OXGR1: variants seen among roughly 807,000 people sequenced by gnomAD.
OXGR1 encodes the protein 2-oxoglutarate receptor 1.
OXGR1 carries 10 observed loss-of-function variants against 10.0 expected under a neutral mutation model. That is an observed-to-expected ratio of 1.00 (90% CI 0.62 to 1.70). The LOEUF (loss-of-function observed/expected upper bound fraction) is 1.70, where lower values mean the gene tolerates loss of function less well. Ranked by LOEUF, OXGR1 falls within the 40% of genes most tolerant of loss-of-function variation. The pLI is 0.00. For synonymous variants in OXGR1, 191 were observed against 155.9 expected, an observed-to-expected ratio of 1.22 and a Z score of -1.68; for missense variants, 398 against 407.6, an observed-to-expected ratio of 0.98 and a Z score of 0.20.
At chr13:96,990,674 T>C (rs1882002495) in intron 2 of OXGR1, among the ~76,000 whole-genome samples, 1 of 152,154 alleles carries the variant, frequency 6.6e-6, no homozygotes, top group African/African-American at 2.4e-5. Context: ...CCAGGCACAG[T>C]GGCTCAAGCC....
chr13:96,988,361 C>A (rs1459432485), intron 3 of OXGR1, among the ~76,000 whole-genome samples: 3 of 152,174 alleles, frequency 2.0e-5, no homozygotes, highest in Non-Finnish European at 4.4e-5. Flanking sequence ...CATTCCCTTT[C>A]TACATTACCT....
At chr13:96,989,206 T>A (rs1881932565) in intron 3 of OXGR1, among the ~76,000 whole-genome samples, 1 of 152,200 alleles carries the variant, frequency 6.6e-6, no homozygotes, top group South Asian at 2.1e-4. Context: ...GGAGGAAACA[T>A]CAGAGTCTGC....
chr13:96,987,254 G>A lies in OXGR1; in HGVS notation c.506C>T (p.Thr169Ile). Residue 169 changes from threonine to isoleucine, a missense_variant, in exon 4 of 4, where the codon ACC becomes ATC. Physicochemically the swap from Thr to Ile is moderately conservative, Grantham distance 89 (BLOSUM62 -1). Coordinates refer to ENST00000541038, the MANE Select transcript of OXGR1 (RefSeq NM_001346194.2). ...CCTGTTGGTTGATGTGATCAAGAAG[G>A]TCATCGGAATGACAGCTACCAGTGA... ...IISLVAVIPM[T>I]FLITSTNRTN... 6 of 1,614,180 alleles carry A rather than the reference G, an allele frequency of 3.7e-6. No individual in the cohort carries two copies. The highest frequency in any genetic ancestry group is 8.5e-7 in the Non-Finnish European group (1 of 1,180,032).
Position 96,987,705 on chromosome 13 carries a change from C to T in OXGR1, c.55G>A (p.Ala19Thr), listed in dbSNP as rs149464525. The T allele has an allele frequency of 6.2e-7, 1 of 1,611,942 alleles. No homozygotes were observed. The highest frequency in any genetic ancestry group is 1.3e-5 in the African/African-American group (1 of 75,006). The change falls in exon 4 of 4, where the codon GCT (alanine) becomes ACT (threonine). Residue 19 changes from alanine to threonine, a missense_variant. Physicochemically the swap from Ala to Thr is moderately conservative, Grantham distance 58 (BLOSUM62 0). Coordinates refer to ENST00000541038, the MANE Select transcript of OXGR1 (RefSeq NM_001346194.2). ...ANASDFPDYA[A>T]AFGNCTDENI... ...TCATCAGTGCAATTTCCAAAAGCAG[C>T]TGCATAATCGGGGAAATCAGAAGCA...
Position 96,987,843 on chromosome 13 carries a change from G to C in OXGR1, c.-74-10C>G. 1 of 1,469,836 alleles carries C rather than the reference G, an allele frequency of 6.8e-7. No homozygotes were observed. Among genetic ancestry groups the C allele is most frequent in the Non-Finnish European group, 9.1e-7 (1 of 1,104,590 alleles). 91.0% of individuals were successfully genotyped at this position (1,469,836 alleles called of 1,614,324 possible). A position where few individuals can be genotyped will look rare whatever the true frequency, so the allele number is the denominator to read the frequency against. ...AATGAGCAGTAACTCGCTGATAAAG[G>C]AAAACAGAAAACATTAATGATAGGG... On this transcript the variant is annotated splice_polypyrimidine_tract_variant and intron_variant, in intron 3 of 3. Coordinates refer to ENST00000541038, the MANE Select transcript of OXGR1 (RefSeq NM_001346194.2).
At position 96,987,373 on chromosome 13, in the gene OXGR1, G is replaced by A. The variant is rs781565077; in HGVS notation, c.387C>T (p.Ile129=). 1 of 1,614,190 alleles carries A rather than the reference G, an allele frequency of 6.2e-7. No homozygotes were observed. Among genetic ancestry groups the A allele is most frequent in the Admixed American group, 1.7e-5 (1 of 60,028 alleles). ...SSILFLTCFS[I]FRYCVIIHPM... ...GGTGAATGATCACACAGTAGCGGAAGATGCTGAAACAGGTGAGGAAGAGGA... is the reference window on the plus strand; with the variant it reads ...GGTGAATGATCACACAGTAGCGGAAAATGCTGAAACAGGTGAGGAAGAGGA... The change falls in exon 4 of 4, where the codon ATC becomes ATT. Residue 129 remains isoleucine (I), a synonymous_variant. Coordinates refer to ENST00000541038, the MANE Select transcript of OXGR1 (RefSeq NM_001346194.2).
chr13:96,991,238 A>C (rs1248584624), intron 2 of OXGR1, among the ~76,000 whole-genome samples: 1 of 152,242 alleles, frequency 6.6e-6, no homozygotes, highest in Admixed American at 6.5e-5. Flanking sequence ...ATGAGTTTAC[A>C]AAATACGTGT....
Position 96,987,527 on chromosome 13 carries a change from G to A in OXGR1, c.233C>T (p.Thr78Ile), listed in dbSNP as rs1369912487. 1 of 1,614,040 alleles carries A rather than the reference G, an allele frequency of 6.2e-7. No individual in the cohort carries two copies. The highest frequency in any genetic ancestry group is 8.5e-7 in the Non-Finnish European group (1 of 1,180,000). The part of the protein sequence containing the change: ...STIIMLNLAC[T>I]DLLYLTSLPF... ...GAGGCTGGTCAGATACAGCAGATCT[G>A]TGCAGGCCAGGTTCAGCATAATGAT... Residue 78 changes from threonine to isoleucine, a missense_variant, in exon 4 of 4, where the codon ACA (threonine) becomes ATA (isoleucine). Thr to Ile is a moderately conservative substitution (Grantham distance 89). Coordinates refer to ENST00000541038, the MANE Select transcript of OXGR1 (RefSeq NM_001346194.2).
chr13:96,993,397 T>C (rs1253019319), intron 1 of OXGR1, among the ~76,000 whole-genome samples: 1 of 152,062 alleles, frequency 6.6e-6, no homozygotes, highest in Non-Finnish European at 1.5e-5. Flanking sequence ...TTTTTGTATT[T>C]GTATAGAGAC....
intron 1 of OXGR1, among the ~76,000 whole-genome samples, chr13:96,993,582 A>G (rs1203313368): frequency 2.0e-5 from 3 of 152,324 alleles, no homozygotes; most frequent in African/African-American, 7.2e-5. Context: ...TTAAGAGGTC[A>G]TGTTGATGCA....
Position 96,986,162 on chromosome 13 carries a change from T to C in OXGR1, c.*584A>G, listed in dbSNP as rs2138885330. 6.6e-6 allele frequency: 1 copy of C among 152,426 alleles called. No individual in the cohort carries two copies. Among genetic ancestry groups the C allele is most frequent in the South Asian group, 2.1e-4 (1 of 4,830 alleles). The allele number at this position is 152,426 out of a possible 1,614,324, so 9.4% of individuals were successfully genotyped here. A position where few individuals can be genotyped will look rare whatever the true frequency, so the allele number is the denominator to read the frequency against. Reference sequence around the variant, plus strand: ...ACTATTTGCATGGACGTCCTTGGATTATTTCAAGGGTATCTTACTGGCTTG... The same window carrying C: ...ACTATTTGCATGGACGTCCTTGGATCATTTCAAGGGTATCTTACTGGCTTG... On this transcript the variant is annotated 3_prime_UTR_variant, in exon 4 of 4. Coordinates refer to ENST00000541038, the MANE Select transcript of OXGR1 (RefSeq NM_001346194.2).
At chr13:96,992,982 C>T (rs1882132641) in intron 1 of OXGR1, among the ~76,000 whole-genome samples, 2 of 152,204 alleles carry the variant, frequency 1.3e-5, no homozygotes, top group Admixed American at 6.5e-5. Flanking sequence ...CAAAAAGAAA[C>T]TTAAGTAGAC....
chr13:96,993,144 T>C (rs1409975131), intron 1 of OXGR1, among the ~76,000 whole-genome samples: 1 of 152,216 alleles, frequency 6.6e-6, no homozygotes, highest in African/African-American at 2.4e-5. Flanking sequence ...GGAATCTTTC[T>C]CCCCAACCCT....
chr13:96,988,761 C>T (rs1881913365), intron 3 of OXGR1, among the ~76,000 whole-genome samples: 2 of 152,152 alleles, frequency 1.3e-5, no homozygotes, highest in Non-Finnish European at 2.9e-5. Context: ...TTTTAACTTC[C>T]TTCTTCTTGC....
At chr13:96,992,742 T>G (rs1187539335) in intron 1 of OXGR1, among the ~76,000 whole-genome samples, 170 bp from the exon 2 acceptor site, 1 of 152,198 alleles carries the variant, frequency 6.6e-6, no homozygotes, top group East Asian at 1.9e-4. Context: ...CTTTGTTGGA[T>G]AAGTTAAGCT....
chr13:96,987,194 G>C lies in OXGR1; in HGVS notation c.566C>G (p.Ser189Trp). 1 of 1,614,164 alleles carries C rather than the reference G, an allele frequency of 6.2e-7. No individual in the cohort carries two copies. Among genetic ancestry groups the C allele is most frequent in the Non-Finnish European group, 8.5e-7 (1 of 1,180,020 alleles). ...NRSACLDLTSSDELNTIKWYN... is the reference protein window; with the variant it reads ...NRSACLDLTSWDELNTIKWYN... ...CCACTTAATAGTATTGAGTTCATCC[G>C]AACTGGTGAGGTCGAGACAGGCTGA... The change falls in exon 4 of 4, where the codon TCG (serine) becomes TGG (tryptophan). Residue 189 changes from serine to tryptophan, a missense_variant. Physicochemically the swap from Ser to Trp is radical, Grantham distance 177. Transcript: ENST00000541038.
chr13:96,991,773 C>T (rs556238990), intron 2 of OXGR1, among the ~76,000 whole-genome samples: 6 of 152,250 alleles, frequency 3.9e-5, no homozygotes, highest in South Asian at 4.1e-4. Flanking sequence ...AAGAGCTATC[C>T]GCATTCCCAT....
intron 2 of OXGR1, among the ~76,000 whole-genome samples, chr13:96,991,953 A>C (rs1475975729): frequency 6.6e-6 from 1 of 152,182 alleles, no homozygotes; most frequent in Non-Finnish European, 1.5e-5. Context: ...ACTGGAGGTC[A>C]TTATGGGAAG....
At chr13:96,993,867 G>A (rs1207787388) in intron 1 of OXGR1, among the ~76,000 whole-genome samples, 1 of 152,096 alleles carries the variant, frequency 6.6e-6, no homozygotes, top group East Asian at 1.9e-4. Context: ...AGTCCACCAC[G>A]ATGCAGGGTG....
Sources: allele counts gnomAD v4.1 joint callset (sites outside exome capture counted in the v4.1 genomes callset), GRCh38; gene constraint gnomAD v4.1.1; transcripts MANE v1.5; gene names NCBI Gene and HGNC (gene_info 2026-07-23, HGNC 2026-07-21).